The following GSPT1 variants were observed in gnomAD, a reference collection of about 807,000 sequenced individuals.
GSPT1 encodes the protein G1 to S phase transition 1, also known as eukaryotic peptide chain release factor GTP-binding subunit ERF3A.
A neutral mutation model predicts 72.5 loss-of-function variants in GSPT1; 20 were observed. The ratio of observed to expected loss-of-function variants is 0.28; its 90% CI spans 0.19 to 0.40. GSPT1 has a LOEUF of 0.40. Among genes scored for constraint, GSPT1 ranks in the 10% least tolerant of loss-of-function variants. GSPT1 has a pLI of 1.00. For synonymous variants in GSPT1, 334 were observed against 293.5 expected, an observed-to-expected ratio of 1.14 and a Z score of -1.41; for missense variants, 580 against 811.9, an observed-to-expected ratio of 0.71 and a Z score of 3.47.
rs1402364523 is a variant in GSPT1 at position 11,877,479 on chromosome 16, CTCT to C, written c.1527_1529del (p.Glu511del). The C allele has an allele frequency of 6.2e-7, 1 of 1,609,230 alleles. No individual in the cohort carries two copies. Among genetic ancestry groups the C allele is most frequent in the Admixed American group, 1.7e-5 (1 of 59,882 alleles). The stretch of plus-strand genomic sequence containing the variant: ...AAAGTATAAACCCTGGAAGAATCTC[CTCT>C]TCTTCAATTCCTTTCAGTCTGATTT... On this transcript the variant is annotated inframe_deletion, in exon 12 of 15. Coordinates refer to ENST00000434724, the MANE Select transcript of GSPT1 (RefSeq NM_002094.4). The surrounding 1 kb of genome is among the most constrained non-coding windows in gnomAD (Gnocchi z 4.0).
chr16:11,872,463 T>G lies in GSPT1; in HGVS notation c.*656A>C, dbSNP rs1230153771. ...GCATAAAGGGATTTAACTGCATGTATGCATTAACCATCAAAAGAAGGGGTC... is the reference window on the plus strand; with the variant it reads ...GCATAAAGGGATTTAACTGCATGTAGGCATTAACCATCAAAAGAAGGGGTC... On this transcript the variant is annotated 3_prime_UTR_variant, in exon 15 of 15. Transcript: ENST00000434724. 1 of 152,068 alleles carries G rather than the reference T, an allele frequency of 6.6e-6. No individual in the cohort carries two copies. The highest frequency in any genetic ancestry group is 1.5e-5 in the Non-Finnish European group (1 of 68,012). 9.4% of individuals were successfully genotyped at this position (152,068 alleles called of 1,614,324 possible).
rs2054315697 is a variant in GSPT1, at chr16:11,894,958, T to C, written c.694A>G (p.Ile232Val). 1 of 1,579,084 alleles carries C rather than the reference T, an allele frequency of 6.3e-7. No individual in the cohort carries two copies. The highest frequency in any genetic ancestry group is 8.7e-7 in the Non-Finnish European group (1 of 1,155,156). Residue 232 changes from isoleucine to valine, a missense_variant, in exon 5 of 15, where the codon ATA becomes GTA. Transcript: ENST00000434724. The stretch of plus-strand genomic sequence containing the variant: ...TAACAAAAGATACAGACTTACATTA[T>C]TTGTCCTCCAATGGTTGACTTGCCA... ...DAGKSTIGGQ[I>V]MYLTGMVDKR... is the part of the protein sequence containing the mutation.
chr16:11,869,509 A>G lies in GSPT1; in HGVS notation c.*3610T>C, dbSNP rs1325185788. On this transcript the variant is annotated 3_prime_UTR_variant, in exon 15 of 15. Transcript: ENST00000434724. ...TGGCACAGTTTGATAAGGTAAGCCA[A>G]CAATGAATATAACATTTAACCATCC... 6.6e-6 allele frequency: 1 copy of G among 152,260 alleles called. No homozygotes were observed. The highest frequency in any genetic ancestry group is 1.5e-5 in the Non-Finnish European group (1 of 68,040). The allele number at this position is 152,260 out of a possible 1,614,324, so 9.4% of individuals were successfully genotyped here.
intron 4 of GSPT1, chr16:11,895,339 G>T: frequency 5.5e-6 from 1 of 180,284 alleles, no homozygotes; most frequent in South Asian, 1.2e-4. Context: ...GCTGAGGCAG[G>T]AGAATCGCGT....
intron 6 of GSPT1, among the ~76,000 whole-genome samples, chr16:11,889,739 C>T (rs2054233421): frequency 6.6e-6 from 1 of 151,892 alleles, no homozygotes; most frequent in African/African-American, 2.4e-5. Flanking sequence ...CTCCTGACCT[C>T]AGGTGATCCG....
At chr16:11,892,851 A>AAAAAAAAAAAAAAAG (rs1567443552) in intron 5 of GSPT1, among the ~76,000 whole-genome samples, 13 of 144,100 alleles carry the variant, frequency 9.0e-5, no homozygotes, top group African/African-American at 3.4e-4. Flanking sequence ...AAAAAAAAAA[A>AAAAAAAAAAAAAAAG]AAAAGAAAAG....
Position 11,915,069 on chromosome 16 carries a change from G to A in GSPT1, c.352+300C>T, listed in dbSNP as rs770458573. The A allele has an allele frequency of 7.0e-6, 9 of 1,291,486 alleles. 1 individual carries two copies. Among genetic ancestry groups the A allele is most frequent in the Admixed American group, 4.6e-5 (2 of 43,476 alleles). 80.0% of individuals were successfully genotyped at this position (1,291,486 alleles called of 1,614,324 possible). A position where few individuals can be genotyped will look rare whatever the true frequency, so the allele number is the denominator to read the frequency against. On this transcript the variant is annotated intron_variant, in intron 1 of 14. Transcript: ENST00000434724. ...CCGCGGCCCCCACTCCGTTCCATAC[G>A]GTTCCCATCTCAAGTGGGTAACTGC...
upstream of GSPT1, chr16:11,916,218 A>G: frequency 2.9e-6 from 1 of 345,716 alleles, no homozygotes; most frequent in South Asian, 2.1e-5. Context: ...GGCTCCCGGC[A>G]GGCAACGCGA....
rs372895407 is a variant in GSPT1 at position 11,915,944 on chromosome 16, C to T, written c.-224G>A. The T allele has an allele frequency of 1.5e-5, 11 of 744,360 alleles. No individual in the cohort carries two copies. The highest frequency in any genetic ancestry group is 4.1e-5 in the South Asian group (3 of 73,750). The allele number at this position is 744,360 out of a possible 1,614,324, so 46.1% of individuals were successfully genotyped here. A position where few individuals can be genotyped will look rare whatever the true frequency, so the allele number is the denominator to read the frequency against. ...GCGGCGGCAGCTCAACCCTCCTCCTCGTGTGTGTGAGCGGATCTCCTCCCA... is the reference window on the plus strand; with the variant it reads ...GCGGCGGCAGCTCAACCCTCCTCCTTGTGTGTGTGAGCGGATCTCCTCCCA... On this transcript the variant is annotated 5_prime_UTR_variant, in exon 1 of 15. Coordinates refer to ENST00000434724, the MANE Select transcript of GSPT1 (RefSeq NM_002094.4).
intron 10 of GSPT1, among the ~76,000 whole-genome samples, 179 bp from the exon 11 acceptor site, chr16:11,883,274 A>G (rs2054143902): frequency 6.6e-6 from 1 of 152,038 alleles, no homozygotes; most frequent in Non-Finnish European, 1.5e-5. Flanking sequence ...TGTCATAAGC[A>G]TATGTATGAT....
chr16:11,910,622 T>C (rs2054545552), intron 1 of GSPT1, among the ~76,000 whole-genome samples: 1 of 152,212 alleles, frequency 6.6e-6, no homozygotes. Flanking sequence ...GAAAATACTA[T>C]CTGAACACTT....
At chr16:11,898,396 G>T (rs1291417704) in intron 1 of GSPT1, among the ~76,000 whole-genome samples, 1 of 150,370 alleles carries the variant, frequency 6.7e-6, no homozygotes, top group African/African-American at 2.5e-5. Context: ...TCTACTTCCC[G>T]TGATTCTCTC....
intron 1 of GSPT1, chr16:11,914,932 T>C: frequency 3.9e-6 from 4 of 1,031,904 alleles, no homozygotes; most frequent in Non-Finnish European, 5.3e-6. Flanking sequence ...GGGCCTAAGG[T>C]GAAAGGAAAA....
chr16:11,875,417 T>TAA (rs74268781), intron 14 of GSPT1, among the ~76,000 whole-genome samples: 1 of 146,524 alleles, frequency 6.8e-6, no homozygotes, highest in Non-Finnish European at 1.5e-5. Context: ...AAATTAGGTG[T>TAA]AAAAAAAAAA....
At chr16:11,875,959 GAAT>G in intron 13 of GSPT1, 30 bp from the exon 14 acceptor site, 1 of 1,580,508 alleles carries the variant, frequency 6.3e-7, no homozygotes, top group Non-Finnish European at 8.7e-7. Flanking sequence ...GAGAAAATCA[GAAT>G]AATGCCAAAT....
At chr16:11,885,772 G>A (rs1282365852) in intron 9 of GSPT1, among the ~76,000 whole-genome samples, 1 of 152,070 alleles carries the variant, frequency 6.6e-6, no homozygotes, top group Non-Finnish European at 1.5e-5. Context: ...TGTGCCTACA[G>A]TCCCTACGAC....
chr16:11,883,055 G>C lies in GSPT1; in HGVS notation c.1388C>G (p.Ser463Cys), dbSNP rs1214581970. Reference protein sequence around the residue: ...TVVLGKLESGSICKGQQLVMM... With the variant: ...TVVLGKLESGCICKGQQLVMM... ...CACAAGCTGCTGGCCTTTACAAATAGATCCTGATTCCAGCTTTCCCAGGAC... is the reference window on the plus strand; with the variant it reads ...CACAAGCTGCTGGCCTTTACAAATACATCCTGATTCCAGCTTTCCCAGGAC... The change falls in exon 11 of 15, where the codon TCT becomes TGT. Residue 463 changes from serine to cysteine, a missense_variant. This residue lies in a region of GSPT1 where 120 missense variants were observed against 242.5 expected (regional missense o/e 0.49). Coordinates refer to ENST00000434724, the MANE Select transcript of GSPT1 (RefSeq NM_002094.4). 6.2e-7 allele frequency: 1 copy of C among 1,609,112 alleles called. No homozygotes were observed. Among genetic ancestry groups the C allele is most frequent in the Admixed American group, 1.7e-5 (1 of 59,990 alleles).
chr16:11,878,580 C>T (rs759369603), intron 11 of GSPT1, among the ~76,000 whole-genome samples: 6 of 141,024 alleles, frequency 4.3e-5, no homozygotes, highest in Non-Finnish European at 9.0e-5. Flanking sequence ...AGTGACACAG[C>T]GAGACCCTGT....
intron 1 of GSPT1, among the ~76,000 whole-genome samples, chr16:11,909,222 TA>T (rs34207069): frequency 0.14 from 21,621 of 152,026 alleles, 3,483 homozygotes; most frequent in African/African-American, 0.38. Context: ...AAAGTAGAAT[TA>T]TGATGGGAAA....
Sources: gnomAD v4.1 joint callset for allele counts (sites outside exome capture counted in the v4.1 genomes callset) on GRCh38, gnomAD v4.1.1 for gene constraint, gnomAD v4.1.1 regional missense constraint, Gnocchi (gnomAD v3.1) non-coding constraint, MANE v1.5 for transcripts, NCBI Gene and HGNC (gene_info 2026-07-23, HGNC 2026-07-21) for gene names.